PRPH2: variants seen among roughly 807,000 people sequenced by gnomAD.
PRPH2 encodes peripherin-2.
Under a neutral mutation model 31.3 loss-of-function variants are expected in PRPH2, and 17 were observed. The observed-to-expected ratio is 0.54, with a 90% confidence interval of 0.37 to 0.81. The LOEUF is 0.81. PRPH2 is among the 40% of genes least tolerant of loss of function. The pLI is 0.00. For synonymous variants in PRPH2, 165 were observed against 184.4 expected (o/e 0.89, Z 0.85); for missense variants, 430 against 439.7 (o/e 0.98, Z 0.20).
At chr6:42,715,070 G>A (rs1230182079) in intron 1 of PRPH2, among the ~76,000 whole-genome samples, 7 of 151,968 alleles carry the variant, frequency 4.6e-5, no homozygotes, top group Admixed American at 3.3e-4. Flanking sequence ...TTAGCCAGGC[G>A]TGCTGGCACA....
intron 1 of PRPH2, among the ~76,000 whole-genome samples, chr6:42,712,606 G>C (rs940941576): frequency 6.6e-6 from 1 of 151,966 alleles, no homozygotes; most frequent in Non-Finnish European, 1.5e-5. Flanking sequence ...TGATAGGGAC[G>C]GGGTTTCACC....
intron 1 of PRPH2, among the ~76,000 whole-genome samples, chr6:42,717,545 C>CT (rs1043725170): frequency 4.1e-4 from 62 of 152,054 alleles, no homozygotes; most frequent in Non-Finnish European, 7.9e-4. Context: ...TTTCTCAGTG[C>CT]TTGTGATCTC....
chr6:42,704,270 G>C, intron 2 of PRPH2, 95 bp downstream of exon 2: 1 of 1,507,892 alleles, frequency 6.6e-7, no homozygotes, highest in Non-Finnish European at 9.0e-7. Flanking sequence ...TCCAAAGAGG[G>C]AGGCATGCTC....
At chr6:42,704,033 G>A (rs946681554) in intron 2 of PRPH2, among the ~76,000 whole-genome samples, 2 of 151,918 alleles carry the variant, frequency 1.3e-5, no homozygotes, top group African/African-American at 4.8e-5. Flanking sequence ...CCAGGAGAGG[G>A]AGGTTGCAGT....
intron 2 of PRPH2, among the ~76,000 whole-genome samples, chr6:42,699,867 C>T (rs893526491): frequency 6.6e-6 from 1 of 152,114 alleles, no homozygotes; most frequent in African/African-American, 2.4e-5. Flanking sequence ...CACCACTGCA[C>T]TCCAGCAAAC....
At chr6:42,711,232 C>T (rs759130620) in intron 1 of PRPH2, among the ~76,000 whole-genome samples, 9 of 152,140 alleles carry the variant, frequency 5.9e-5, no homozygotes, top group Non-Finnish European at 1.3e-4. Context: ...AATCGGGCCC[C>T]TCAGCAGATG....
At chr6:42,708,880 G>A (rs188968208) in intron 1 of PRPH2, among the ~76,000 whole-genome samples, 10 of 152,290 alleles carry the variant, frequency 6.6e-5, no homozygotes, top group South Asian at 2.1e-4. Flanking sequence ...TTCGAGTCAC[G>A]CATTTGACAC....
chr6:42,720,935 A>G (rs1408049873), intron 1 of PRPH2, among the ~76,000 whole-genome samples: 2 of 152,214 alleles, frequency 1.3e-5, no homozygotes, highest in Non-Finnish European at 2.9e-5. Context: ...CTCTCTCACC[A>G]GCACCTCCCA....
In PRPH2 at chr6:42,698,287, C is replaced by T. The variant is rs749295756; in HGVS notation, c.*8G>A. 3 of 1,613,608 alleles carry T rather than the reference C, an allele frequency of 1.9e-6. No individual in the cohort carries two copies. The highest frequency in any genetic ancestry group is 1.1e-5 in the South Asian group (1 of 91,050). On this transcript the variant is annotated 3_prime_UTR_variant, in exon 3 of 3. Transcript: ENST00000230381. ...TCAGTGTTCGGGAGGGGAGGGGCCCCAGGGCCCTCAGCCAGCCTCTGGGGC... is the reference window on the plus strand; with the variant it reads ...TCAGTGTTCGGGAGGGGAGGGGCCCTAGGGCCCTCAGCCAGCCTCTGGGGC...
rs1373107099 is a variant in PRPH2 at position 42,698,114 on chromosome 6, A to G, written c.*181T>C. 1.2e-6 allele frequency: 1 copy of G among 805,932 alleles called. No homozygotes were observed. Among genetic ancestry groups the G allele is most frequent in the Non-Finnish European group, 1.9e-6 (1 of 515,314 alleles). 49.9% of individuals were successfully genotyped at this position (805,932 alleles called of 1,614,324 possible). A position where few individuals can be genotyped will look rare whatever the true frequency, so the allele number is the denominator to read the frequency against. Reference sequence around the variant, plus strand: ...CATTCACATTTTGGGTCAGTCATTCAACAACTGTGTGTCAAATGCTTTTAG... The same window carrying G: ...CATTCACATTTTGGGTCAGTCATTCGACAACTGTGTGTCAAATGCTTTTAG... On this transcript the variant is annotated 3_prime_UTR_variant, in exon 3 of 3. Transcript: ENST00000230381.
chr6:42,709,876 C>G (rs1250455908), intron 1 of PRPH2, among the ~76,000 whole-genome samples: 1 of 152,194 alleles, frequency 6.6e-6, no homozygotes, highest in Non-Finnish European at 1.5e-5. Context: ...CTAGCCACCA[C>G]CACCTACCCT....
Position 42,697,235 on chromosome 6 carries a change from A to C in PRPH2, c.*1060T>G, listed in dbSNP as rs1419876193. ...CTAGCTCAGGAAGATGGGCTATCTCAAAGAATCTCCTTTGATGCAGAAGCA... is the reference window on the plus strand; with the variant it reads ...CTAGCTCAGGAAGATGGGCTATCTCCAAGAATCTCCTTTGATGCAGAAGCA... On this transcript the variant is annotated 3_prime_UTR_variant, in exon 3 of 3. Transcript: ENST00000230381. The C allele has an allele frequency of 6.6e-6, 1 of 152,202 alleles. No homozygotes were observed. Among genetic ancestry groups the C allele is most frequent in the Non-Finnish European group, 1.5e-5 (1 of 68,034 alleles). 9.4% of individuals were successfully genotyped at this position (152,202 alleles called of 1,614,324 possible). A position where few individuals can be genotyped will look rare whatever the true frequency, so the allele number is the denominator to read the frequency against.
At chr6:42,701,179 C>T (rs1433256120) in intron 2 of PRPH2, among the ~76,000 whole-genome samples, 3 of 151,900 alleles carry the variant, frequency 2.0e-5, no homozygotes, top group Non-Finnish European at 4.4e-5. Flanking sequence ...AGCTGGAGTG[C>T]AATGGCGTGA....
rs114821100 is a variant in PRPH2 at position 42,718,184 on chromosome 6, G to A, written c.581+3570C>T. ...AAATTAGCCAGATGTGGTGGCTCACGTCTGTAGTCCCAGGTACTCGGGAGG... is the reference window on the plus strand; with the variant it reads ...AAATTAGCCAGATGTGGTGGCTCACATCTGTAGTCCCAGGTACTCGGGAGG... On this transcript the variant is annotated intron_variant, in intron 1 of 2. Coordinates refer to ENST00000230381, the MANE Select transcript of PRPH2 (RefSeq NM_000322.5). Among the ~76,000 whole-genome samples the A allele has an allele frequency of 6.0e-3, 905 of 151,722 alleles. 10 individuals carry two copies. Among genetic ancestry groups the A allele is most frequent in the African/African-American group, 0.021 (858 of 41,232 alleles).
At chr6:42,705,599 A>AAAAAAATATATATATATATATAT in intron 1 of PRPH2, among the ~76,000 whole-genome samples, 1 of 21,570 alleles carries the variant, frequency 4.6e-5, no homozygotes, top group Non-Finnish European at 8.4e-5. Flanking sequence ...AAAAAAAAAA[A>AAAAAAATATATATATATATATAT]ATATATATAT....
intron 1 of PRPH2, among the ~76,000 whole-genome samples, chr6:42,712,807 C>T (rs952122354): frequency 6.6e-5 from 10 of 152,060 alleles, no homozygotes; most frequent in Non-Finnish European, 1.5e-4. Context: ...GTGTTGCCAC[C>T]ACACCTGGCT....
intron 1 of PRPH2, among the ~76,000 whole-genome samples, chr6:42,712,453 T>C (rs1028099549): frequency 5.9e-5 from 9 of 152,214 alleles, no homozygotes; most frequent in African/African-American, 2.2e-4. Flanking sequence ...CTGTTGGAGA[T>C]GCCTATTAAA....
At position 42,697,700 on chromosome 6, in the gene PRPH2, G is replaced by T. The variant is rs1395796733; in HGVS notation, c.*595C>A. ...GAAATTCTCTTGCTCCATGATTAAA[G>T]AATCCTGTTTAGAGCCCTCAATGCC... is the stretch of plus-strand genomic sequence containing the variant. On this transcript the variant is annotated 3_prime_UTR_variant, in exon 3 of 3. Transcript: ENST00000230381. 1.3e-5 allele frequency: 2 copies of T among 151,886 alleles called. No individual in the cohort carries two copies. Among genetic ancestry groups the T allele is most frequent in the African/African-American group, 4.8e-5 (2 of 41,244 alleles). The allele number at this position is 151,886 out of a possible 1,614,324, so 9.4% of individuals were successfully genotyped here. A position where few individuals can be genotyped will look rare whatever the true frequency, so the allele number is the denominator to read the frequency against.
intron 1 of PRPH2, among the ~76,000 whole-genome samples, chr6:42,710,642 C>T (rs1233184779): frequency 3.9e-5 from 6 of 152,076 alleles, no homozygotes; most frequent in South Asian, 2.1e-4. Flanking sequence ...GGGCCGGGGG[C>T]GGTGGAGGAG....
Sources: allele counts gnomAD v4.1 joint callset (sites outside exome capture counted in the v4.1 genomes callset), GRCh38; gene constraint gnomAD v4.1.1; transcripts MANE v1.5; gene names NCBI Gene and HGNC (gene_info 2026-07-23, HGNC 2026-07-21).